The following KIAA0319L variants were observed in gnomAD, a reference collection of about 807,000 sequenced individuals.
The protein encoded by KIAA0319L is dyslexia-associated protein KIAA0319-like protein.
Under a neutral mutation model 120.1 loss-of-function variants are expected in KIAA0319L, and 55 were observed. The observed-to-expected ratio is 0.46, with a 90% CI of 0.37 to 0.57. The LOEUF (loss-of-function observed/expected upper bound fraction) is 0.57. KIAA0319L is among the 20% of genes least tolerant of loss of function. The pLI is 0.00. For synonymous variants in KIAA0319L, 398 were observed against 471.9 expected (o/e 0.84, Z 2.03); for missense variants, 1,049 against 1,255.3 (o/e 0.84, Z 2.48).
At chr1:35,452,357 C>G (rs1642125158) in intron 12 of KIAA0319L, among the ~76,000 whole-genome samples, 1 of 152,202 alleles carries the variant, frequency 6.6e-6, no homozygotes, top group African/African-American at 2.4e-5. Context: ...CTTCTTCCCC[C>G]TTGTGGCCTC....
chr1:35,436,742 A>G (rs1640819137), intron 20 of KIAA0319L, among the ~76,000 whole-genome samples: 1 of 152,194 alleles, frequency 6.6e-6, no homozygotes, highest in Non-Finnish European at 1.5e-5. Flanking sequence ...TGAGGGGGGC[A>G]GCCCTACACT....
intron 4 of KIAA0319L, among the ~76,000 whole-genome samples, chr1:35,477,393 C>G (rs72897200): frequency 0.01 from 1,559 of 152,186 alleles, 25 homozygotes; most frequent in African/African-American, 0.035. Flanking sequence ...GATGGCCGGG[C>G]GCGGTGGCTC....
intron 3 of KIAA0319L, among the ~76,000 whole-genome samples, chr1:35,503,163 C>T (rs1351433509): frequency 6.6e-6 from 1 of 152,174 alleles, no homozygotes; most frequent in East Asian, 1.9e-4. Flanking sequence ...TCTGTTTCTA[C>T]TATCCATAAA....
At chr1:35,503,312 G>A (rs984413275) in intron 3 of KIAA0319L, among the ~76,000 whole-genome samples, 1 of 152,202 alleles carries the variant, frequency 6.6e-6, no homozygotes, top group Non-Finnish European at 1.5e-5. Flanking sequence ...TCCTGCTTAA[G>A]ACTAATACTG....
chr1:35,456,111 T>C lies in KIAA0319L; in HGVS notation c.1558A>G (p.Ile520Val), dbSNP rs766983923. 2.5e-6 allele frequency: 4 copies of C among 1,613,900 alleles called. No individual in the cohort carries two copies. The South Asian group carries it at 3.3e-5, about 13-fold the overall frequency. The change falls in exon 10 of 21, where the codon ATC becomes GTC. Residue 520 changes from isoleucine (I) to valine (V), a missense_variant. Coordinates refer to ENST00000325722, the MANE Select transcript of KIAA0319L (RefSeq NM_024874.5). The stretch of plus-strand genomic sequence containing the variant: ...GTGCTCTGGTTCCCAAAGAGGGTGA[T>C]GGAGTTTTGGGGCAGGGTGATCACT... ...NQVITLPQNS[I>V]TLFGNQSTDD...
rs372417675 is a variant in KIAA0319L at position 35,459,553 on chromosome 1, C to T, written c.1427+752G>A. ...CAGAGCTTGCAGTGAGCCGAAATCA[C>T]GCCACTGCACCCCAGCCTGGGCGAC... On this transcript the variant is annotated intron_variant, in intron 9 of 20. Coordinates refer to ENST00000325722, the MANE Select transcript of KIAA0319L (RefSeq NM_024874.5). Among the ~76,000 whole-genome samples, 225 of 151,542 alleles carry T rather than the reference C, an allele frequency of 1.5e-3. 1 individual carries two copies. Among genetic ancestry groups the T allele is most frequent in the African/African-American group, 4.8e-3 (199 of 41,258 alleles).
At chr1:35,445,881 G>C (rs1212051571) in intron 16 of KIAA0319L, among the ~76,000 whole-genome samples, 1 of 152,206 alleles carries the variant, frequency 6.6e-6, no homozygotes, top group Non-Finnish European at 1.5e-5. Context: ...CCTATGCAGT[G>C]CTGGTGAATC....
At chr1:35,500,120 AGAACAACAC>A (rs995032983) in intron 3 of KIAA0319L, among the ~76,000 whole-genome samples, 1 of 152,240 alleles carries the variant, frequency 6.6e-6, no homozygotes, top group Non-Finnish European at 1.5e-5. Flanking sequence ...GCTGTTAGAG[AGAACAACAC>A]TTCAGTCTTC....
At chr1:35,555,193 T>A (rs1168358328) in intron 1 of KIAA0319L, among the ~76,000 whole-genome samples, 3 of 152,154 alleles carry the variant, frequency 2.0e-5, no homozygotes, top group Non-Finnish European at 2.9e-5. Flanking sequence ...TCATTTACCA[T>A]AAATTTCTCC....
chr1:35,481,261 T>C (rs1363188323), intron 3 of KIAA0319L, among the ~76,000 whole-genome samples: 1 of 152,230 alleles, frequency 6.6e-6, no homozygotes, highest in Non-Finnish European at 1.5e-5. Context: ...TAAGTATACA[T>C]GTTTCTGTAA....
intron 2 of KIAA0319L, among the ~76,000 whole-genome samples, chr1:35,536,920 T>C (rs566416904): frequency 5.3e-5 from 8 of 151,912 alleles, no homozygotes; most frequent in African/African-American, 1.9e-4. Flanking sequence ...CTGCTGCATA[T>C]GATGTACTCA....
chr1:35,537,092 A>G (rs1375548539), intron 2 of KIAA0319L, among the ~76,000 whole-genome samples: 1 of 152,222 alleles, frequency 6.6e-6, no homozygotes, highest in Non-Finnish European at 1.5e-5. Flanking sequence ...ATTAAATTAT[A>G]ACAGATAAAC....
At chr1:35,469,993 T>G (rs977758697) in intron 6 of KIAA0319L, among the ~76,000 whole-genome samples, 1 of 151,952 alleles carries the variant, frequency 6.6e-6, no homozygotes, top group Non-Finnish European at 1.5e-5. Context: ...CTCCGCCTCC[T>G]GACCGGCTGG....
chr1:35,539,965 AC>A (rs1319354606), intron 2 of KIAA0319L, among the ~76,000 whole-genome samples: 2 of 152,204 alleles, frequency 1.3e-5, no homozygotes, highest in African/African-American at 4.8e-5. Context: ...TCCCCTTATT[AC>A]CTAAAAGTGA....
At chr1:35,532,379 G>GA (rs1320177725) in intron 2 of KIAA0319L, among the ~76,000 whole-genome samples, 7 of 152,000 alleles carry the variant, frequency 4.6e-5, no homozygotes, top group Non-Finnish European at 4.4e-5. Context: ...AATACGAAAA[G>GA]AAAAAAACAG....
In KIAA0319L at chr1:35,509,518, C is replaced by T. The variant is rs187782723; in HGVS notation, c.143-2383G>A. On this transcript the variant is annotated intron_variant, in intron 2 of 20. Transcript: ENST00000325722. ...GACAGAGGCAGAGATTGGAGCAATA[C>T]GGCTGCAAGCCAAGGAAAGCCAGGA... Among the ~76,000 whole-genome samples, 85 of 152,314 alleles carry T rather than the reference C, an allele frequency of 5.6e-4. 1 individual carries two copies. Among genetic ancestry groups the T allele is most frequent in the African/African-American group, 1.9e-3 (80 of 41,556 alleles).
At chr1:35,526,079 T>C (rs1274316819) in intron 2 of KIAA0319L, among the ~76,000 whole-genome samples, 5 of 151,956 alleles carry the variant, frequency 3.3e-5, no homozygotes. Context: ...CCAGGACCAT[T>C]TGTTGAACAA....
In KIAA0319L at chr1:35,448,208, G is replaced by A; in HGVS notation, c.2478C>T (p.Ile826=). The change falls in exon 16 of 21, where the codon ATC becomes ATT. Residue 826 remains isoleucine (I), a synonymous_variant. Transcript: ENST00000325722. ...TGTACGGCTGAATCTTTTGCACAAT[G>A]ATGTCGGAATCCAGCACCCCCAGGA... ...GVLLGVLDSD[I]IVQKIQPYTE... 6.2e-7 allele frequency: 1 copy of A among 1,613,918 alleles called. No homozygotes were observed. Among genetic ancestry groups the A allele is most frequent in the South Asian group, 1.1e-5 (1 of 90,998 alleles).
At chr1:35,543,430 C>T (rs1422879279) in intron 2 of KIAA0319L, among the ~76,000 whole-genome samples, 1 of 152,170 alleles carries the variant, frequency 6.6e-6, no homozygotes, top group African/African-American at 2.4e-5. Context: ...AGATATATTC[C>T]ATTAGTCATC....
Sources: allele counts gnomAD v4.1 joint callset (sites outside exome capture counted in the v4.1 genomes callset), GRCh38; gene constraint gnomAD v4.1.1; transcripts MANE v1.5; gene names NCBI Gene and HGNC (gene_info 2026-07-23, HGNC 2026-07-21).